MIPOL1: variants seen among roughly 807,000 people sequenced by gnomAD.
The protein encoded by MIPOL1 is mirror-image polydactyly gene 1 protein.
MIPOL1 carries 57 observed loss-of-function variants against 60.9 expected under a neutral mutation model. The observed-to-expected ratio is 0.94, with a 90% confidence interval of 0.76 to 1.17. MIPOL1 has a LOEUF of 1.17. Ranked by LOEUF, MIPOL1 falls within the 50% of genes most tolerant of loss-of-function variation. MIPOL1 has a pLI of 0.00. For synonymous variants in MIPOL1, 179 were observed against 168.8 expected, an observed-to-expected ratio of 1.06 and a Z score of -0.47; for missense variants, 551 against 511.6, an observed-to-expected ratio of 1.08 and a Z score of -0.74.
At chr14:37,446,766 C>T (rs1266950841) in intron 11 of MIPOL1, among the ~76,000 whole-genome samples, 1 of 152,048 alleles carries the variant, frequency 6.6e-6, no homozygotes, top group East Asian at 1.9e-4. Flanking sequence ...GAGTTCATGT[C>T]CTTTGTAGGG....
intron 9 of MIPOL1, among the ~76,000 whole-genome samples, chr14:37,355,622 C>G (rs1389487628): frequency 8.8e-6 from 1 of 113,190 alleles, no homozygotes; most frequent in African/African-American, 3.1e-5. Context: ...ATTCTTTTTT[C>G]TCTAAACTTC....
intron 11 of MIPOL1, among the ~76,000 whole-genome samples, chr14:37,490,852 C>T (rs2095037998): frequency 1.3e-5 from 2 of 152,170 alleles, no homozygotes; most frequent in South Asian, 2.1e-4. Context: ...CTGCCTTCTG[C>T]GTTGATCTCA....
intron 12 of MIPOL1, among the ~76,000 whole-genome samples, chr14:37,519,016 C>G (rs998358055): frequency 5.3e-5 from 8 of 152,058 alleles, no homozygotes; most frequent in African/African-American, 1.7e-4. Flanking sequence ...CGGAAACAGC[C>G]TTTTGTACAG....
At chr14:37,239,906 T>A (rs1245390698) in intron 1 of MIPOL1, among the ~76,000 whole-genome samples, 1 of 152,216 alleles carries the variant, frequency 6.6e-6, no homozygotes, top group Non-Finnish European at 1.5e-5. Context: ...CTATAACCTG[T>A]AAGCTGACTT....
At chr14:37,400,309 TGGA>T (rs1180569851) in intron 10 of MIPOL1, 1 of 151,996 alleles carries the variant, frequency 6.6e-6, no homozygotes, top group East Asian at 1.9e-4. Context: ...ATATGGGAAA[TGGA>T]GGAGATGTTT....
chr14:37,285,544 A>C, intron 7 of MIPOL1, 97 bp downstream of exon 7: 2 of 1,230,536 alleles, frequency 1.6e-6, no homozygotes, highest in South Asian at 3.1e-5. Context: ...ACTTATGCTT[A>C]TGTGTTACAC....
At chr14:37,545,549 G>A (rs972204865) in intron 12 of MIPOL1, 5 of 496,714 alleles carry the variant, frequency 1.0e-5, no homozygotes, top group Non-Finnish European at 1.4e-5. Flanking sequence ...AAAGTTTGTA[G>A]TAATAAACTT....
chr14:37,430,793 C>T (rs2094050342), intron 11 of MIPOL1, among the ~76,000 whole-genome samples: 1 of 152,120 alleles, frequency 6.6e-6, no homozygotes, highest in African/African-American at 2.4e-5. Context: ...TGTCTTGAGA[C>T]ATAAGACAAT....
rs146478884 is a variant in MIPOL1 at position 37,543,531 on chromosome 14, C to A, written c.1263-3374C>A. ...GCCTCAAGTGATCTGCCCGTCTCGGCCTCCCAAAGTGATGGGACTACAGGC... is the reference window on the plus strand; with the variant it reads ...GCCTCAAGTGATCTGCCCGTCTCGGACTCCCAAAGTGATGGGACTACAGGC... On this transcript the variant is annotated intron_variant, in intron 12 of 12. Coordinates refer to ENST00000684589, the MANE Select transcript of MIPOL1 (RefSeq NM_001388067.1). 9.5e-3 allele frequency among the ~76,000 whole-genome samples: 1,440 copies of A among 152,314 alleles called. 15 individuals carry two copies. Among genetic ancestry groups the A allele is most frequent in the Non-Finnish European group, 0.015 (1,014 of 68,038 alleles).
At chr14:37,207,211 C>A (rs1044363955) in intron 1 of MIPOL1, among the ~76,000 whole-genome samples, 2 of 152,092 alleles carry the variant, frequency 1.3e-5, no homozygotes, top group Non-Finnish European at 2.9e-5. Context: ...GGGCAGTTCC[C>A]CCATACTGTT....
chr14:37,327,587 T>C (rs1279126293), intron 9 of MIPOL1, among the ~76,000 whole-genome samples: 1 of 152,152 alleles, frequency 6.6e-6, no homozygotes, highest in Non-Finnish European at 1.5e-5. Flanking sequence ...GCCTGGCCAA[T>C]TCAAGCAGTC....
At chr14:37,348,503 A>G (rs548126690) in intron 9 of MIPOL1, among the ~76,000 whole-genome samples, 2 of 152,242 alleles carry the variant, frequency 1.3e-5, no homozygotes, top group East Asian at 3.9e-4. Context: ...AATTAAACAC[A>G]CTAGTATTAA....
chr14:37,282,374 A>G (rs540543520), intron 6 of MIPOL1, among the ~76,000 whole-genome samples: 1 of 151,968 alleles, frequency 6.6e-6, no homozygotes, highest in Non-Finnish European at 1.5e-5. Context: ...CTGTGTAGCT[A>G]GGATTGCAGG....
At chr14:37,402,486 G>C (rs888279681) in intron 10 of MIPOL1, among the ~76,000 whole-genome samples, 1 of 152,090 alleles carries the variant, frequency 6.6e-6, no homozygotes, top group African/African-American at 2.4e-5. Context: ...CTGAACAGTG[G>C]GCATCTGTGT....
chr14:37,286,284 G>A (rs1274283638), intron 7 of MIPOL1, among the ~76,000 whole-genome samples: 1 of 152,158 alleles, frequency 6.6e-6, no homozygotes, highest in Non-Finnish European at 1.5e-5. Context: ...TACACTTAGA[G>A]AAACAATGCC....
intron 11 of MIPOL1, among the ~76,000 whole-genome samples, chr14:37,471,630 A>G (rs2094690508): frequency 6.6e-6 from 1 of 152,140 alleles, no homozygotes; most frequent in Non-Finnish European, 1.5e-5. Context: ...ATAAAGACCA[A>G]AATATTCTAT....
chr14:37,322,486 T>C (rs1248323244), intron 9 of MIPOL1, among the ~76,000 whole-genome samples: 1 of 152,072 alleles, frequency 6.6e-6, no homozygotes, highest in Non-Finnish European at 1.5e-5. Context: ...TGTTCTTATA[T>C]AGATAAGAAA....
chr14:37,537,110 T>G (rs1393120718), intron 12 of MIPOL1, among the ~76,000 whole-genome samples: 1 of 152,140 alleles, frequency 6.6e-6, no homozygotes, highest in Non-Finnish European at 1.5e-5. Context: ...TTCTCAAATC[T>G]CATGACTATC....
intron 11 of MIPOL1, among the ~76,000 whole-genome samples, chr14:37,434,787 A>G (rs1218927831): frequency 6.7e-6 from 1 of 150,254 alleles, no homozygotes; most frequent in African/African-American, 2.5e-5. Context: ...GATAAGGTCT[A>G]CTCATAATTA....
Sources: allele counts gnomAD v4.1 joint callset (sites outside exome capture counted in the v4.1 genomes callset), GRCh38; gene constraint gnomAD v4.1.1; transcripts MANE v1.5; gene names NCBI Gene and HGNC (gene_info 2026-07-23, HGNC 2026-07-21).